DLGAP2: variants seen among roughly 807,000 people sequenced by gnomAD.
The protein encoded by DLGAP2 is disks large-associated protein 2.
In DLGAP2, 26 loss-of-function variants were observed where a neutral mutation model predicts 100.3. The observed-to-expected ratio is 0.26, with a 90% CI of 0.19 to 0.36. DLGAP2 has a LOEUF of 0.36. Among genes scored for constraint, DLGAP2 ranks in the 10% least tolerant of loss-of-function variants. The probability of loss-of-function intolerance (pLI) is 1.00; values close to 1 mark genes in which losing one functional copy is unlikely to be tolerated. For missense variants in DLGAP2, 1,858 were observed against 1,453.2 expected (o/e 1.28, Z -4.53); for synonymous variants, 886 against 630.1 (o/e 1.41, Z -6.08).
chr8:859,805 T>G (rs975696518), intron 1 of DLGAP2, among the ~76,000 whole-genome samples: 5 of 152,112 alleles, frequency 3.3e-5, no homozygotes, highest in Non-Finnish European at 7.3e-5. Flanking sequence ...GCAACCCTAA[T>G]TAGAGTGAGG....
At chr8:829,940 C>T (rs1458894160) in intron 1 of DLGAP2, among the ~76,000 whole-genome samples, 1 of 152,170 alleles carries the variant, frequency 6.6e-6, no homozygotes, top group Non-Finnish European at 1.5e-5. Flanking sequence ...CAACAATGTT[C>T]AATTCTCCAG....
Position 1,153,004 on chromosome 8 carries a change from T to A in DLGAP2, c.74-105847T>A, listed in dbSNP as rs566234587. On this transcript the variant is annotated intron_variant, in intron 2 of 14. Transcript: ENST00000637795. Reference sequence around the variant, plus strand: ...TAATTCAAGCTATTCTGTAGAAATTTAAAATGAAACTTACCTCCTTTACTC... The same window carrying A: ...TAATTCAAGCTATTCTGTAGAAATTAAAAATGAAACTTACCTCCTTTACTC... Among the ~76,000 whole-genome samples, 6 of 152,356 alleles carry A rather than the reference T, an allele frequency of 3.9e-5. No homozygotes were observed. In the South Asian group the frequency reaches 1.0e-3, roughly 26 times the overall value.
At chr8:1,125,611 G>T (rs954861772) in intron 2 of DLGAP2, among the ~76,000 whole-genome samples, 6 of 152,122 alleles carry the variant, frequency 3.9e-5, no homozygotes. Flanking sequence ...TGAAAGCCAG[G>T]TGATTTATGT....
At chr8:1,188,587 A>T (rs566463825) in intron 2 of DLGAP2, among the ~76,000 whole-genome samples, 1 of 151,456 alleles carries the variant, frequency 6.6e-6, no homozygotes, top group Non-Finnish European at 1.5e-5. Flanking sequence ...ACGGAATCTC[A>T]CACACCCGGG....
chr8:1,222,646 G>T (rs1025164196), intron 2 of DLGAP2, among the ~76,000 whole-genome samples: 1 of 152,054 alleles, frequency 6.6e-6, no homozygotes, highest in African/African-American at 2.4e-5. Flanking sequence ...CACGGTGGGG[G>T]GAGGCTGCTG....
chr8:1,485,014 G>A (rs1477233813), intron 3 of DLGAP2, among the ~76,000 whole-genome samples: 2 of 152,168 alleles, frequency 1.3e-5, no homozygotes, highest in Non-Finnish European at 2.9e-5. Flanking sequence ...TAACTGCAAT[G>A]AGGATGAAAA....
At chr8:1,148,062 T>G (rs1387913158) in intron 2 of DLGAP2, among the ~76,000 whole-genome samples, 4 of 152,220 alleles carry the variant, frequency 2.6e-5, no homozygotes, top group Non-Finnish European at 2.9e-5. Context: ...CTTTAAACAT[T>G]GGAAATATTT....
chr8:1,523,310 A>C (rs1800673656), intron 4 of DLGAP2, among the ~76,000 whole-genome samples: 1 of 152,244 alleles, frequency 6.6e-6, no homozygotes, highest in Non-Finnish European at 1.5e-5. Context: ...GGACCAAGAC[A>C]CACGACAGAG....
At chr8:1,046,737 T>G (rs1251611707) in intron 2 of DLGAP2, among the ~76,000 whole-genome samples, 1 of 152,194 alleles carries the variant, frequency 6.6e-6, no homozygotes, top group Non-Finnish European at 1.5e-5. Context: ...GCAAATATAG[T>G]ATGATCTCTC....
chr8:1,069,279 G>A (rs998737843), intron 2 of DLGAP2, among the ~76,000 whole-genome samples: 4 of 152,276 alleles, frequency 2.6e-5, no homozygotes, highest in Admixed American at 2.0e-4. Context: ...CAGCTGGGCC[G>A]GACAGAGCTG....
intron 2 of DLGAP2, among the ~76,000 whole-genome samples, chr8:911,796 G>A (rs1798491052): frequency 6.6e-6 from 1 of 152,184 alleles, no homozygotes; most frequent in South Asian, 2.1e-4. Context: ...TGTGTATAAT[G>A]TATGTTGGAA....
chr8:919,993 A>G (rs964980811), intron 2 of DLGAP2, among the ~76,000 whole-genome samples: 1 of 152,098 alleles, frequency 6.6e-6, no homozygotes, highest in African/African-American at 2.4e-5. Context: ...CACTGGGAGG[A>G]CTCCTGGAGC....
chr8:1,027,593 A>C (rs1437652346), intron 2 of DLGAP2, among the ~76,000 whole-genome samples: 1 of 137,452 alleles, frequency 7.3e-6, no homozygotes, highest in Middle Eastern at 5.0e-3. Context: ...GTGGGGTGCC[A>C]GGGGCCCGTT....
At chr8:1,465,523 C>T (rs1262749900) in intron 3 of DLGAP2, among the ~76,000 whole-genome samples, 1 of 152,096 alleles carries the variant, frequency 6.6e-6, no homozygotes, top group Non-Finnish European at 1.5e-5. Context: ...ATAAAGGATA[C>T]AGGTGAAGAG....
At chr8:1,124,742 G>A (rs541103866) in intron 2 of DLGAP2, among the ~76,000 whole-genome samples, 1 of 152,282 alleles carries the variant, frequency 6.6e-6, no homozygotes, top group East Asian at 1.9e-4. Context: ...TGTCATTGCT[G>A]TCATCTGAAA....
At chr8:1,685,799 A>G (rs369049581) in intron 12 of DLGAP2, among the ~76,000 whole-genome samples, 8 of 152,338 alleles carry the variant, frequency 5.3e-5, no homozygotes, top group African/African-American at 1.9e-4. Flanking sequence ...GAAGACATAC[A>G]ACGGGCCAAC....
At chr8:1,096,157 C>T (rs1441451863) in intron 2 of DLGAP2, among the ~76,000 whole-genome samples, 1 of 152,176 alleles carries the variant, frequency 6.6e-6, no homozygotes, top group Non-Finnish European at 1.5e-5. Context: ...TTAATTGGAC[C>T]TGTTTTCATG....
intron 3 of DLGAP2, among the ~76,000 whole-genome samples, chr8:1,410,021 G>C (rs894765742): frequency 6.6e-6 from 1 of 152,152 alleles, no homozygotes; most frequent in East Asian, 1.9e-4. Context: ...AACCCTGACC[G>C]ATACGTGCTG....
chr8:1,683,952 G>GTATATA lies in DLGAP2; in HGVS notation c.2704+5324_2704+5325insATATAT, dbSNP rs1171271402. 5.1e-3 allele frequency among the ~76,000 whole-genome samples: 103 copies of GTATATA among 20,326 alleles called. 1 individual carries two copies. The highest frequency in any genetic ancestry group is 0.02 in the African/African-American group (96 of 4,822). 13.3% of individuals were successfully genotyped at this position (20,326 alleles called of 152,430 possible). A position where few individuals can be genotyped will look rare whatever the true frequency, so the allele number is the denominator to read the frequency against. On this transcript the variant is annotated intron_variant, in intron 12 of 14. Transcript: ENST00000637795. ...TGTATATATGTGTATATATATATGT[G>GTATATA]TGTATATATATATATATATATATAT... is the stretch of plus-strand genomic sequence containing the variant.
Sources: allele counts gnomAD v4.1 joint callset (sites outside exome capture counted in the v4.1 genomes callset), GRCh38; gene constraint gnomAD v4.1.1; transcripts MANE v1.5; gene names NCBI Gene and HGNC (gene_info 2026-07-23, HGNC 2026-07-21).